MATN2: variants seen among roughly 807,000 people sequenced by gnomAD.
MATN2 encodes the protein matrilin 2.
Under a neutral mutation model 103.2 loss-of-function variants are expected in MATN2, and 69 were observed. That is an observed-to-expected ratio of 0.67 (90% CI 0.55 to 0.82). MATN2 has a LOEUF of 0.82. Ranked by LOEUF, MATN2 falls within the 40% of genes least tolerant of loss-of-function variation. MATN2 has a pLI of 0.00. For missense variants in MATN2, 1,023 were observed against 1,211.5 expected (o/e 0.84, Z 2.31); for synonymous variants, 429 against 450.2 (o/e 0.95, Z 0.60).
chr8:98,012,483 C>T (rs2130403761), intron 10 of MATN2, among the ~76,000 whole-genome samples: 1 of 152,156 alleles, frequency 6.6e-6, no homozygotes, highest in East Asian at 1.9e-4. Context: ...GTGAGCCAGC[C>T]AGAGATGGAG....
At chr8:97,901,145 C>CT (rs1306342911) in intron 2 of MATN2, among the ~76,000 whole-genome samples, 1 of 152,154 alleles carries the variant, frequency 6.6e-6, no homozygotes, top group African/African-American at 2.4e-5. Context: ...CCTCTCCATT[C>CT]TCCTCTTCCA....
intron 10 of MATN2, among the ~76,000 whole-genome samples, chr8:98,013,798 A>C (rs1813262695): frequency 6.6e-6 from 1 of 152,204 alleles, no homozygotes; most frequent in Non-Finnish European, 1.5e-5. Context: ...ATTGTACATA[A>C]AACTACATGC....
intron 4 of MATN2, among the ~76,000 whole-genome samples, chr8:97,948,568 C>A (rs781201452): frequency 6.6e-6 from 1 of 152,058 alleles, no homozygotes; most frequent in Non-Finnish European, 1.5e-5. Flanking sequence ...GATTTTTTGA[C>A]GGAGTGGGAA....
At chr8:97,933,579 T>G (rs115978843) in intron 3 of MATN2, among the ~76,000 whole-genome samples, 2 of 135,984 alleles carry the variant, frequency 1.5e-5, no homozygotes, top group Non-Finnish European at 3.1e-5. Flanking sequence ...TGGACTTGTC[T>G]GTGGAAAAAC....
At chr8:97,900,751 C>T (rs188443591) in intron 2 of MATN2, among the ~76,000 whole-genome samples, 15 of 152,232 alleles carry the variant, frequency 9.9e-5, no homozygotes, top group East Asian at 9.7e-4. Flanking sequence ...CTGGCTAACA[C>T]GGTGAAACTC....
chr8:97,934,580 T>C (rs1280084779), intron 3 of MATN2, among the ~76,000 whole-genome samples: 1 of 152,134 alleles, frequency 6.6e-6, no homozygotes, highest in Non-Finnish European at 1.5e-5. Context: ...AATGTAAAAG[T>C]TTATTTTGCC....
chr8:98,028,263 G>A (rs1264531660), intron 14 of MATN2, among the ~76,000 whole-genome samples: 7 of 152,136 alleles, frequency 4.6e-5, no homozygotes, highest in Admixed American at 6.5e-5. Context: ...TACTTCAAGC[G>A]AGCATTCTGA....
chr8:98,008,265 C>T (rs1273124682), intron 10 of MATN2, among the ~76,000 whole-genome samples: 1 of 151,776 alleles, frequency 6.6e-6, no homozygotes, highest in East Asian at 1.9e-4. Context: ...AGACCTCCTT[C>T]TCTCCTTTAC....
intron 5 of MATN2, among the ~76,000 whole-genome samples, chr8:97,968,583 G>T (rs1811557909): frequency 1.3e-5 from 2 of 152,124 alleles, no homozygotes; most frequent in Non-Finnish European, 2.9e-5. Context: ...AACTTCCACA[G>T]ATCCCTAGGG....
intron 18 of MATN2, 45 bp downstream of exon 18, chr8:98,033,704 A>G: frequency 7.8e-7 from 1 of 1,279,786 alleles, no homozygotes; most frequent in Non-Finnish European, 1.1e-6. Flanking sequence ...TGCAAAGAAT[A>G]TTATCAAAAC....
At chr8:97,948,656 GCAAA>G (rs1436090819) in intron 4 of MATN2, among the ~76,000 whole-genome samples, 9 of 152,122 alleles carry the variant, frequency 5.9e-5, no homozygotes, top group Admixed American at 5.9e-4. Flanking sequence ...AAAAAAGCAA[GCAAA>G]CAAACAAAAG....
intron 6 of MATN2, among the ~76,000 whole-genome samples, chr8:97,980,260 GAGTA>G (rs1019308373): frequency 6.6e-6 from 1 of 152,242 alleles, no homozygotes; most frequent in Non-Finnish European, 1.5e-5. Context: ...TTTATTGAAA[GAGTA>G]AGTAAATGAA....
chr8:98,027,855 A>ATGC, intron 14 of MATN2, 26 bp downstream of exon 14: 1 of 1,523,856 alleles, frequency 6.6e-7, no homozygotes. Context: ...GGTGCGGTTT[A>ATGC]CACCACTCAA....
chr8:97,898,926 CATATTTTTTTG>C (rs1818900456), intron 2 of MATN2, among the ~76,000 whole-genome samples: 1 of 149,012 alleles, frequency 6.7e-6, no homozygotes, highest in Non-Finnish European at 1.5e-5. Flanking sequence ...TTTTTTTTTT[CATATTTTTTTG>C]TAAAGACAGG....
At chr8:97,972,367 A>T (rs1158171608) in intron 5 of MATN2, among the ~76,000 whole-genome samples, 1 of 151,728 alleles carries the variant, frequency 6.6e-6, no homozygotes, top group Non-Finnish European at 1.5e-5. Context: ...AAAAGAAAAG[A>T]AAAGAAATTT....
intron 13 of MATN2, among the ~76,000 whole-genome samples, chr8:98,024,519 A>G (rs1210959432): frequency 6.6e-6 from 1 of 152,028 alleles, no homozygotes; most frequent in Non-Finnish European, 1.5e-5. Flanking sequence ...AACAACAACA[A>G]CAACAACAAA....
At chr8:97,970,046 A>C (rs1034240171) in intron 5 of MATN2, among the ~76,000 whole-genome samples, 5 of 152,362 alleles carry the variant, frequency 3.3e-5, no homozygotes, top group African/African-American at 1.2e-4. Context: ...GAGGTAGAAG[A>C]AAACAGCTTT....
chr8:97,918,488 A>G (rs1177621360), intron 2 of MATN2, among the ~76,000 whole-genome samples: 1 of 152,232 alleles, frequency 6.6e-6, no homozygotes, highest in African/African-American at 2.4e-5. Flanking sequence ...GTGGGGCGAC[A>G]TCACTGCACA....
At chr8:98,016,025 T>G (rs1232346492) in intron 10 of MATN2, among the ~76,000 whole-genome samples, 2 of 152,236 alleles carry the variant, frequency 1.3e-5, no homozygotes, top group African/African-American at 4.8e-5. Context: ...AAGTAATTTA[T>G]CTCTCATTCT....
Sources: allele counts gnomAD v4.1 joint callset (sites outside exome capture counted in the v4.1 genomes callset), GRCh38; gene constraint gnomAD v4.1.1; transcripts MANE v1.5; gene names NCBI Gene and HGNC (gene_info 2026-07-23, HGNC 2026-07-21).